Variants in INSR observed in about 807,000 individuals in gnomAD.
INSR encodes IR.
In INSR, 67 loss-of-function variants were observed where a neutral mutation model predicts 142.6. That is an observed-to-expected ratio of 0.47 (90% CI 0.39 to 0.58). The LOEUF (loss-of-function observed/expected upper bound fraction) is 0.58, where lower values mean the gene tolerates loss of function less well. Ranked by LOEUF, INSR falls within the 20% of genes least tolerant of loss-of-function variation. INSR has a pLI of 0.00. For missense variants in INSR, 1,248 were observed against 1,833.2 expected (o/e 0.68, Z 5.83); for synonymous variants, 756 against 743.1 (o/e 1.02, Z -0.28).
intron 2 of INSR, among the ~76,000 whole-genome samples, chr19:7,246,882 A>G (rs1478362217): frequency 1.4e-5 from 2 of 141,076 alleles, no homozygotes; most frequent in Non-Finnish European, 3.0e-5. Context: ...GTGGTTTGTT[A>G]CACAGCAAAA....
rs927302046 is a variant in INSR at position 7,225,120 on chromosome 19, A to G, written c.653-40483T>C. Among the ~76,000 whole-genome samples the G allele has an allele frequency of 2.0e-5, 3 of 152,110 alleles. No individual in the cohort carries two copies. The highest frequency in any genetic ancestry group is 7.2e-5 in the African/African-American group (3 of 41,398). ...TTCCTATGCACCCAGCACTATTCCA[A>G]TTATTAACCATTTATTTCCCCCAAC... On this transcript the variant is annotated intron_variant, in intron 2 of 21. Transcript: ENST00000302850. This position sits in a 1 kb window ranked among gnomAD's most constrained non-coding sequence, Gnocchi z 4.7.
rs756266703 is a variant in INSR, at chr19:7,172,397, G to C, written c.1161C>G (p.Leu387=). 1 of 1,613,992 alleles carries C rather than the reference G, an allele frequency of 6.2e-7. No homozygotes were observed. The highest frequency in any genetic ancestry group is 1.3e-5 in the African/African-American group (1 of 74,912). The part of the protein sequence containing the change: ...LAAELEANLG[L]IEEISGYLKI... ...TTAGATACCCTGAAATTTCTTCAAT[G>C]AGGCCGAGGTTGGCTTCTAGCTCAG... The change falls in exon 5 of 22, where the codon CTC becomes CTG. Residue 387 remains leucine (L), a synonymous_variant. Transcript: ENST00000302850.
chr19:7,119,772 G>GCAAACA lies in INSR; in HGVS notation c.3660-190_3660-189insTGTTTG, dbSNP rs57039491. On this transcript the variant is annotated intron_variant, in intron 20 of 21. Transcript: ENST00000302850. The surrounding 1 kb of genome is among the most constrained non-coding windows in gnomAD (Gnocchi z 5.2). ...CACACATGCAAATACACACAAACAC[G>GCAAACA]CATGCGCACACATGCACACACAAAT... 1.4e-5 allele frequency among the ~76,000 whole-genome samples: 2 copies of GCAAACA among 147,984 alleles called. No homozygotes were observed. The highest frequency in any genetic ancestry group is 3.0e-5 in the Non-Finnish European group (2 of 66,882).
At chr19:7,158,015 G>A (rs1444179642) in intron 9 of INSR, among the ~76,000 whole-genome samples, 1 of 150,590 alleles carries the variant, frequency 6.6e-6, no homozygotes, top group Non-Finnish European at 1.5e-5. Context: ...AAAAAAAAAT[G>A]TAGAACTGCC....
At position 7,128,860 on chromosome 19, in the gene INSR, C is replaced by G; in HGVS notation, c.2937G>C (p.Leu979=). The part of the protein sequence containing the change: ...SVVIGSIYLF[L]RKRQPDGPLG... ...GAACTCACTGAACTCACCTCTTTCTCAGGAATAGATAAATACTTCCAATCA... is the reference window on the plus strand; with the variant it reads ...GAACTCACTGAACTCACCTCTTTCTGAGGAATAGATAAATACTTCCAATCA... Residue 979 remains leucine (L), a synonymous_variant, in exon 15 of 22, where the codon CTG becomes CTC. Coordinates refer to ENST00000302850, the MANE Select transcript of INSR (RefSeq NM_000208.4). 1 of 1,611,916 alleles carries G rather than the reference C, an allele frequency of 6.2e-7. No individual in the cohort carries two copies. Among genetic ancestry groups the G allele is most frequent in the Non-Finnish European group, 8.5e-7 (1 of 1,178,042 alleles).
chr19:7,152,995 A>ACACCCC, intron 9 of INSR, 68 bp from the exon 10 acceptor site: 2 of 766,358 alleles, frequency 2.6e-6, no homozygotes, highest in African/African-American at 2.3e-5. Context: ...ACACACACAC[A>ACACCCC]CCCCACACAC....
intron 17 of INSR, among the ~76,000 whole-genome samples, chr19:7,124,572 A>G (rs1295163095): frequency 4.2e-5 from 1 of 23,908 alleles, no homozygotes; most frequent in East Asian, 1.3e-3. Flanking sequence ...AAAAAAAAAA[A>G]AAAAAAAAAA....
Position 7,119,732 on chromosome 19 carries a change from G to A in INSR, c.3660-149C>T, listed in dbSNP as rs531314011. 1,338 of 848,254 alleles carry A rather than the reference G, an allele frequency of 1.6e-3. 16 individuals are homozygous for A. Among genetic ancestry groups the A allele is most frequent in the South Asian group, 0.014 (1,031 of 71,138 alleles). 52.5% of individuals were successfully genotyped at this position (848,254 alleles called of 1,614,324 possible). ...CAAACACACACATGCAAACACACAC[G>A]CACATACACGTGCACACACATGCAA... is the stretch of plus-strand genomic sequence containing the variant. On this transcript the variant is annotated intron_variant, in intron 20 of 21. Coordinates refer to ENST00000302850, the MANE Select transcript of INSR (RefSeq NM_000208.4). The surrounding 1 kb of genome is among the most constrained non-coding windows in gnomAD (Gnocchi z 5.2).
intron 1 of INSR, among the ~76,000 whole-genome samples, 184 bp downstream of exon 1, chr19:7,293,608 C>A (rs1968555794): frequency 6.6e-6 from 1 of 152,168 alleles, no homozygotes; most frequent in Admixed American, 6.5e-5. Context: ...CGAGCCCGGG[C>A]GGGCAAAGGC....
In INSR at chr19:7,116,131, T is replaced by TC. The variant is rs1405216263; in HGVS notation, c.*924_*925insG. 1 of 150,100 alleles carries TC rather than the reference T, an allele frequency of 6.7e-6. No homozygotes were observed. The allele number at this position is 150,100 out of a possible 1,614,324, so 9.3% of individuals were successfully genotyped here. On this transcript the variant is annotated 3_prime_UTR_variant, in exon 22 of 22. Coordinates refer to ENST00000302850, the MANE Select transcript of INSR (RefSeq NM_000208.4). ...TTGTTTTTTCTTTCTTTTTCTTTTT[T>TC]TTTTTTTAATGTCCTAGCTTGGTTT...
At chr19:7,282,331 C>G (rs1363800760) in intron 1 of INSR, among the ~76,000 whole-genome samples, 1 of 148,438 alleles carries the variant, frequency 6.7e-6, no homozygotes, top group Non-Finnish European at 1.5e-5. Context: ...TGCCACTACA[C>G]TCCAGCCTGG....
chr19:7,271,781 G>A (rs927911900), intron 1 of INSR, among the ~76,000 whole-genome samples: 5 of 151,840 alleles, frequency 3.3e-5, no homozygotes, highest in Admixed American at 6.6e-5. Flanking sequence ...AGGTAGAGAC[G>A]GAAGGATTGC....
At chr19:7,163,680 C>A (rs1973817486) in intron 8 of INSR, among the ~76,000 whole-genome samples, 1 of 151,764 alleles carries the variant, frequency 6.6e-6, no homozygotes, top group Non-Finnish European at 1.5e-5. Flanking sequence ...GTCCAAACAC[C>A]TGGGAGCTAG....
At chr19:7,183,833 T>C (rs1461182770) in intron 3 of INSR, among the ~76,000 whole-genome samples, 1 of 151,888 alleles carries the variant, frequency 6.6e-6, no homozygotes, top group Admixed American at 6.6e-5. Context: ...CCAAGGCAGG[T>C]GGACCACCTG....
At chr19:7,273,044 A>G (rs1213138433) in intron 1 of INSR, among the ~76,000 whole-genome samples, 1 of 152,180 alleles carries the variant, frequency 6.6e-6, no homozygotes, top group Non-Finnish European at 1.5e-5. Flanking sequence ...TTTGAAGATG[A>G]TGCAAATATT....
In INSR at chr19:7,174,731, G is replaced by C; in HGVS notation, c.975C>G (p.Asn325Lys). ...GACCCAGGCATGGGGTGCACAGCAAGCTAAGGACGGAGCAGAGAGAGAGAG... is the reference window on the plus strand; with the variant it reads ...GACCCAGGCATGGGGTGCACAGCAACCTAAGGACGGAGCAGAGAGAGAGAG... ...CPSGYTMNSS[N>K]LLCTPCLGPC... is the part of the protein sequence containing the mutation. The change falls in exon 4 of 22, where the codon AAC (asparagine) becomes AAG (lysine). Residue 325 changes from asparagine to lysine, a missense_variant and splice_region_variant. Asn to Lys is a moderately conservative substitution (Grantham distance 94). This residue lies in a region of INSR where 1,069 missense variants were observed against 1,654.0 expected (regional missense o/e 0.65). Coordinates refer to ENST00000302850, the MANE Select transcript of INSR (RefSeq NM_000208.4). The C allele has an allele frequency of 6.2e-7, 1 of 1,612,876 alleles. No individual in the cohort carries two copies. Among genetic ancestry groups the C allele is most frequent in the Non-Finnish European group, 8.5e-7 (1 of 1,179,528 alleles).
chr19:7,163,239 G>A (rs1321364182), intron 8 of INSR, 40 bp from the exon 9 acceptor site: 1 of 1,580,706 alleles, frequency 6.3e-7, no homozygotes, highest in African/African-American at 1.4e-5. Context: ...ATGAGAAACA[G>A]TGTGCAAAGA....
chr19:7,123,156 A>G, intron 17 of INSR, 167 bp from the exon 18 acceptor site: 1 of 619,346 alleles, frequency 1.6e-6, no homozygotes, highest in Non-Finnish European at 2.9e-6. Context: ...CAGCAGACAG[A>G]TAGGCCTTTG....
At chr19:7,291,966 C>G (rs1324451417) in intron 1 of INSR, among the ~76,000 whole-genome samples, 1 of 150,064 alleles carries the variant, frequency 6.7e-6, no homozygotes, top group Non-Finnish European at 1.5e-5. Flanking sequence ...CTAATTTTTT[C>G]TATTTTTCAG....
Sources: gnomAD v4.1 joint callset for allele counts (sites outside exome capture counted in the v4.1 genomes callset) on GRCh38, gnomAD v4.1.1 for gene constraint, gnomAD v4.1.1 regional missense constraint, Gnocchi (gnomAD v3.1) non-coding constraint, MANE v1.5 for transcripts, NCBI Gene and HGNC (gene_info 2026-07-23, HGNC 2026-07-21) for gene names.